SLC2A13: variants seen among roughly 807,000 people sequenced by gnomAD.
The protein encoded by SLC2A13 is solute carrier family 2 member 13.
SLC2A13 carries 32 observed loss-of-function variants against 64.4 expected under a neutral mutation model. The observed-to-expected ratio is 0.50, with a 90% CI of 0.37 to 0.67. The LOEUF is 0.67. Ranked by LOEUF, SLC2A13 falls within the 30% of genes least tolerant of loss-of-function variation. The pLI, the probability that SLC2A13 is intolerant of heterozygous loss-of-function variation, is 0.00. For synonymous variants in SLC2A13, 338 were observed against 327.1 expected (o/e 1.03, Z -0.36); for missense variants, 743 against 829.2 (o/e 0.90, Z 1.28).
chr12:40,085,620 A>T (rs572079554), intron 1 of SLC2A13, among the ~76,000 whole-genome samples: 1 of 152,240 alleles, frequency 6.6e-6, no homozygotes, highest in Non-Finnish European at 1.5e-5. Context: ...GTATGTTTTT[A>T]TACTCACAGT....
At position 40,085,308 on chromosome 12, in the gene SLC2A13, G is replaced by T. The variant is rs527307993; in HGVS notation, c.556+19945C>A. ...TAGAAAATTAATATAACCCAAAAAA[G>T]GTGTTGTAAAAACTCCAACTTGAAG... On this transcript the variant is annotated intron_variant, in intron 1 of 9. Transcript: ENST00000280871. Among the ~76,000 whole-genome samples the T allele has an allele frequency of 7.2e-5, 11 of 152,288 alleles. No individual in the cohort carries two copies. In the East Asian group the frequency reaches 2.1e-3, roughly 29 times the overall value.
chr12:40,092,679 C>T lies in SLC2A13; in HGVS notation c.556+12574G>A, dbSNP rs28365175. ...GTGAAATGTATTATAGAATCTGAAA[C>T]GTGGATTGGCTGCTAAGAAGAGAAT... On this transcript the variant is annotated intron_variant, in intron 1 of 9. Coordinates refer to ENST00000280871, the MANE Select transcript of SLC2A13 (RefSeq NM_052885.4). 5.2e-4 allele frequency among the ~76,000 whole-genome samples: 79 copies of T among 152,262 alleles called. 3 individuals are homozygous for T. The East Asian group carries it at 0.015, about 29-fold the overall frequency.
intron 7 of SLC2A13, among the ~76,000 whole-genome samples, chr12:39,795,893 CAT>C (rs1315781491): frequency 2.0e-5 from 3 of 152,256 alleles, no homozygotes; most frequent in African/African-American, 7.2e-5. Context: ...GGATCATTCA[CAT>C]GTCATCAATT....
intron 6 of SLC2A13, among the ~76,000 whole-genome samples, chr12:39,843,026 G>A (rs1943215851): frequency 1.3e-5 from 2 of 151,762 alleles, no homozygotes; most frequent in African/African-American, 2.4e-5. Context: ...TGGGGTATTT[G>A]GGTTATTTCT....
chr12:39,924,367 A>G (rs536724401), intron 4 of SLC2A13, among the ~76,000 whole-genome samples: 11 of 152,288 alleles, frequency 7.2e-5, no homozygotes, highest in African/African-American at 2.4e-4. Context: ...GACACAACAT[A>G]GATACTAAGT....
At chr12:39,898,333 A>G (rs1171740571) in intron 4 of SLC2A13, among the ~76,000 whole-genome samples, 1 of 152,168 alleles carries the variant, frequency 6.6e-6, no homozygotes, top group East Asian at 1.9e-4. Flanking sequence ...ATTAGGGTGA[A>G]GCATGGATGG....
intron 7 of SLC2A13, among the ~76,000 whole-genome samples, chr12:39,774,855 G>T (rs1215387802): frequency 6.6e-6 from 1 of 152,068 alleles, no homozygotes; most frequent in Non-Finnish European, 1.5e-5. Context: ...CCCCAAGTAT[G>T]CAAAATAGAT....
rs377717570 is a variant in SLC2A13, at chr12:40,067,979, C to T, written c.557-19769G>A. On this transcript the variant is annotated intron_variant, in intron 1 of 9. Coordinates refer to ENST00000280871, the MANE Select transcript of SLC2A13 (RefSeq NM_052885.4). ...TGCACACTGATGCAATCTTGACTCA[C>T]TGCAGCCTCGATTTCCTAGACTCAA... Among the ~76,000 whole-genome samples, 39 of 152,294 alleles carry T rather than the reference C, an allele frequency of 2.6e-4. No individual in the cohort carries two copies. The South Asian group carries it at 5.0e-3, about 19-fold the overall frequency.
chr12:39,835,239 A>T (rs1942974253), intron 6 of SLC2A13, among the ~76,000 whole-genome samples: 1 of 152,068 alleles, frequency 6.6e-6, no homozygotes, highest in Admixed American at 6.6e-5. Context: ...TTCTATCTCA[A>T]GAGCACACAT....
chr12:40,081,469 TG>T (rs1439705371), intron 1 of SLC2A13, among the ~76,000 whole-genome samples: 1 of 152,224 alleles, frequency 6.6e-6, no homozygotes, highest in Non-Finnish European at 1.5e-5. Flanking sequence ...TTCCTCAGAT[TG>T]GTCTATTCTG....
At chr12:40,065,953 T>C (rs1565611846) in intron 1 of SLC2A13, among the ~76,000 whole-genome samples, 2 of 152,200 alleles carry the variant, frequency 1.3e-5, no homozygotes. Context: ...ATGGCAAGAC[T>C]GTCTAATCCT....
At chr12:40,011,720 C>A (rs1947535675) in intron 3 of SLC2A13, among the ~76,000 whole-genome samples, 1 of 152,104 alleles carries the variant, frequency 6.6e-6, no homozygotes, top group Non-Finnish European at 1.5e-5. Context: ...ATACCCGATG[C>A]CTAGCTCCAG....
chr12:39,795,147 G>A (rs1247149641), intron 7 of SLC2A13, among the ~76,000 whole-genome samples: 1 of 151,618 alleles, frequency 6.6e-6, no homozygotes. Flanking sequence ...TTTGGAGTAC[G>A]CTAAACTTAT....
At chr12:39,884,557 T>C (rs1407395357) in intron 4 of SLC2A13, among the ~76,000 whole-genome samples, 3 of 152,136 alleles carry the variant, frequency 2.0e-5, no homozygotes, top group African/African-American at 7.2e-5. Flanking sequence ...AAGATACACT[T>C]ATTCAGGACG....
chr12:39,864,878 G>A lies in SLC2A13; in HGVS notation c.1203C>T (p.Thr401=), dbSNP rs142685886. 1.1e-5 allele frequency: 17 copies of A among 1,603,106 alleles called. No homozygotes were observed. In the African/African-American group the frequency reaches 1.9e-4, roughly 18 times the overall value. ...AGGCAAGAATAATGAGTGCTACGGT[G>A]GTACCTTAAAAAAAAAAAGTTTTAT... ...RKLTFGSLAG[T]TVALIILALG... Residue 401 remains threonine, a synonymous_variant, in exon 6 of 10, where the codon ACC becomes ACT. Coordinates refer to ENST00000280871, the MANE Select transcript of SLC2A13 (RefSeq NM_052885.4).
chr12:40,034,468 G>C (rs1307140501), intron 2 of SLC2A13, among the ~76,000 whole-genome samples: 1 of 152,112 alleles, frequency 6.6e-6, no homozygotes, highest in African/African-American at 2.4e-5. Flanking sequence ...GTACAGTGGG[G>C]CTTTCTAGCA....
chr12:40,014,584 C>A (rs1947589396), intron 3 of SLC2A13, among the ~76,000 whole-genome samples: 1 of 152,042 alleles, frequency 6.6e-6, no homozygotes, highest in African/African-American at 2.4e-5. Flanking sequence ...CTCCACCTCC[C>A]AGGTTCAAGC....
At chr12:39,921,790 T>C (rs1305102142) in intron 4 of SLC2A13, among the ~76,000 whole-genome samples, 3 of 152,148 alleles carry the variant, frequency 2.0e-5, no homozygotes, top group Admixed American at 6.5e-5. Context: ...TACATTATAG[T>C]TTAGAATGTA....
chr12:39,891,399 T>C (rs1408868402), intron 4 of SLC2A13, among the ~76,000 whole-genome samples: 1 of 152,040 alleles, frequency 6.6e-6, no homozygotes, highest in African/African-American at 2.4e-5. Context: ...GAGAAAACAT[T>C]ATCTTACATT....
Sources: allele counts gnomAD v4.1 joint callset (sites outside exome capture counted in the v4.1 genomes callset), GRCh38; gene constraint gnomAD v4.1.1; transcripts MANE v1.5; gene names NCBI Gene and HGNC (gene_info 2026-07-23, HGNC 2026-07-21).